THADA: variants seen among roughly 807,000 people sequenced by gnomAD.
THADA encodes THADA armadillo repeat containing.
In THADA, 213 loss-of-function variants were observed where a neutral mutation model predicts 219.8. The observed-to-expected ratio is 0.97, with a 90% confidence interval of 0.87 to 1.09. THADA has a LOEUF of 1.09. Among genes scored for constraint, THADA ranks in the 50% least tolerant of loss-of-function variants. The pLI, the probability that THADA is intolerant of heterozygous loss-of-function variation, is 0.00. For missense variants in THADA, 2,956 were observed against 2,311.3 expected, an observed-to-expected ratio of 1.28 and a Z score of -5.72; for synonymous variants, 1,018 against 828.9, an observed-to-expected ratio of 1.23 and a Z score of -3.92.
rs1215312845 is a variant in THADA, at chr2:43,231,091, G to C, written c.5719C>G (p.Gln1907Glu). The change falls in exon 38 of 38, where the codon CAA becomes GAA. Residue 1907 changes from glutamine to glutamate, a missense_variant. Physicochemically the swap from Gln to Glu is conservative, Grantham distance 29 (BLOSUM62 2). Transcript: ENST00000405975. ...AAGCAAGCCAAAGTCCTTTCCTCTT[G>C]AATGCGTAGTCTTGTGAACTCCACT... The part of the protein sequence containing the change: ...KTVEFTRLRI[Q>E]EERTLACLRL... 1.2e-6 allele frequency: 2 copies of C among 1,613,800 alleles called. No individual in the cohort carries two copies. The highest frequency in any genetic ancestry group is 2.2e-5 in the East Asian group (1 of 44,882).
intron 28 of THADA, among the ~76,000 whole-genome samples, chr2:43,414,336 A>G (rs907681042): frequency 4.6e-5 from 7 of 152,172 alleles, no homozygotes; most frequent in Admixed American, 1.3e-4. Flanking sequence ...ATTCAACTGG[A>G]CTCTGGCCTT....
intron 29 of THADA, among the ~76,000 whole-genome samples, chr2:43,369,109 C>G (rs1670507155): frequency 6.6e-6 from 1 of 152,224 alleles, no homozygotes; most frequent in Admixed American, 6.5e-5. Context: ...ACAACTCTTA[C>G]TTCATGCCCC....
chr2:43,508,649 T>C lies in THADA; in HGVS notation c.3506A>G (p.Gln1169Arg), dbSNP rs780668726. ...RRSAGIPFYI[Q>R]ALLASEPKKG... ...AGCTAGGGTCCTACAGATAAATACC[T>C]GTATGTAGAAAGGAATTCCAGCACT... is the stretch of plus-strand genomic sequence containing the variant. The change falls in exon 23 of 38, where the codon CAG (glutamine) becomes CGG (arginine). Residue 1169 changes from glutamine to arginine, a missense_variant and splice_region_variant. Transcript: ENST00000405975. The C allele has an allele frequency of 3.7e-6, 6 of 1,612,784 alleles. No homozygotes were observed. Among genetic ancestry groups the C allele is most frequent in the Non-Finnish European group, 5.1e-6 (6 of 1,179,442 alleles).
At chr2:43,592,199 C>T in intron 2 of THADA, 118 bp downstream of exon 2, 2 of 1,003,722 alleles carry the variant, frequency 2.0e-6, no homozygotes, top group Non-Finnish European at 2.9e-6. Flanking sequence ...GTTTTACATC[C>T]AAAACATAAG....
chr2:43,255,967 G>A (rs926368168), intron 36 of THADA, among the ~76,000 whole-genome samples: 1 of 152,134 alleles, frequency 6.6e-6, no homozygotes, highest in Non-Finnish European at 1.5e-5. Context: ...ACCTCAGCTC[G>A]GTCACAGACC....
intron 29 of THADA, among the ~76,000 whole-genome samples, chr2:43,393,502 G>A (rs1673652185): frequency 1.3e-5 from 2 of 152,120 alleles, no homozygotes; most frequent in African/African-American, 2.4e-5. Flanking sequence ...GAAGTCAGGA[G>A]TTCAAGACCA....
intron 36 of THADA, among the ~76,000 whole-genome samples, chr2:43,265,426 C>T (rs1046621484): frequency 2.0e-5 from 3 of 152,238 alleles, no homozygotes; most frequent in African/African-American, 7.2e-5. Flanking sequence ...AGTAACCAAA[C>T]TGAAAGCTTT....
At position 43,389,680 on chromosome 2, in the gene THADA, G is replaced by T. The variant is rs542741241; in HGVS notation, c.4227+8291C>A. ...GACACAACAGGCTGGTTTACTCACT[G>T]CCTCCTGCAAACACTTTCTGATGCC... is the stretch of plus-strand genomic sequence containing the variant. On this transcript the variant is annotated intron_variant, in intron 29 of 37. Coordinates refer to ENST00000405975, the MANE Select transcript of THADA (RefSeq NM_022065.5). Among the ~76,000 whole-genome samples, 68 of 152,208 alleles carry T rather than the reference G, an allele frequency of 4.5e-4. 1 individual carries two copies. The highest frequency in any genetic ancestry group is 6.8e-3 in the Middle Eastern group (2 of 294).
intron 30 of THADA, among the ~76,000 whole-genome samples, chr2:43,337,361 G>A (rs1049720488): frequency 1.3e-5 from 2 of 152,240 alleles, no homozygotes; most frequent in Admixed American, 1.3e-4. Flanking sequence ...TGTGAGGCAT[G>A]TGGTGTGTCT....
At chr2:43,417,378 C>T (rs1034607884) in intron 28 of THADA, among the ~76,000 whole-genome samples, 1 of 152,074 alleles carries the variant, frequency 6.6e-6, no homozygotes, top group South Asian at 2.1e-4. Context: ...TATAACTGTG[C>T]AATGACCCAT....
At position 43,286,795 on chromosome 2, in the gene THADA, CA is replaced by C. The variant is rs201941340; in HGVS notation, c.5164+112del. On this transcript the variant is annotated intron_variant, in intron 35 of 37. Transcript: ENST00000405975. ...AGACGGTAGGAATATAACTGAAAGA[CA>C]TAAAGGCAGGTGTCATGTTGCCATC... 2,789 of 1,202,778 alleles carry C rather than the reference CA, an allele frequency of 2.3e-3. 26 individuals are homozygous for C. The East Asian group carries it at 0.027, about 12-fold the overall frequency. The allele number at this position is 1,202,778 out of a possible 1,614,324, so 74.5% of individuals were successfully genotyped here. A position where few individuals can be genotyped will look rare whatever the true frequency, so the allele number is the denominator to read the frequency against.
intron 29 of THADA, among the ~76,000 whole-genome samples, chr2:43,391,124 T>C (rs867469856): frequency 3.9e-5 from 6 of 152,266 alleles, no homozygotes; most frequent in Middle Eastern, 3.4e-3. Context: ...AGAGGCTCTG[T>C]AGGAACTCAG....
intron 26 of THADA, among the ~76,000 whole-genome samples, chr2:43,442,738 T>A (rs936462277): frequency 1.3e-5 from 2 of 152,192 alleles, no homozygotes; most frequent in African/African-American, 4.8e-5. Context: ...GGTGACCCCA[T>A]GGACCTTCAC....
chr2:43,403,222 C>A (rs1307223879), intron 28 of THADA, among the ~76,000 whole-genome samples: 3 of 152,268 alleles, frequency 2.0e-5, no homozygotes, highest in Non-Finnish European at 4.4e-5. Context: ...GCCTCAAAAT[C>A]CCCAGAGCCT....
At chr2:43,280,508 T>C (rs974091331) in intron 35 of THADA, among the ~76,000 whole-genome samples, 2 of 152,218 alleles carry the variant, frequency 1.3e-5, no homozygotes, top group Admixed American at 6.5e-5. Flanking sequence ...GACGGGCGCC[T>C]GTATTCCCAG....
chr2:43,495,409 A>C (rs1341674296), intron 25 of THADA, among the ~76,000 whole-genome samples: 13 of 152,104 alleles, frequency 8.5e-5, no homozygotes. Flanking sequence ...ATTTATATAT[A>C]TTTATGCAGC....
intron 1 of THADA, among the ~76,000 whole-genome samples, chr2:43,593,748 C>G (rs1701837831): frequency 6.6e-6 from 1 of 151,912 alleles, no homozygotes; most frequent in Admixed American, 6.6e-5. Flanking sequence ...ATTCTCCTGC[C>G]TCAGCCTCCC....
Position 43,586,906 on chromosome 2 carries a change from A to G in THADA, c.399T>C (p.Ser133=). The G allele has an allele frequency of 6.2e-7, 1 of 1,613,946 alleles. No homozygotes were observed. The highest frequency in any genetic ancestry group is 1.1e-5 in the South Asian group (1 of 91,072). ...AAATATTGTCAGTAACTTTCCTGTA[A>G]GAGTATAAGTCAGTAGTATTCAATT... ...QEELNTTDLY[S]YRKVTDNISS... Residue 133 remains serine, a synonymous_variant, in exon 5 of 38, where the codon TCT becomes TCC. Transcript: ENST00000405975.
chr2:43,251,533 G>C (rs929576635), intron 36 of THADA, among the ~76,000 whole-genome samples: 1 of 152,328 alleles, frequency 6.6e-6, no homozygotes, highest in Admixed American at 6.5e-5. Flanking sequence ...TCTGCTTCCT[G>C]TCTCTGTCAG....
Sources: gnomAD v4.1 joint callset for allele counts (sites outside exome capture counted in the v4.1 genomes callset) on GRCh38, gnomAD v4.1.1 for gene constraint, MANE v1.5 for transcripts, NCBI Gene and HGNC (gene_info 2026-07-23, HGNC 2026-07-21) for gene names.